KLHL3: variants seen among roughly 807,000 people sequenced by gnomAD.
KLHL3 encodes kelch-like protein 3.
Under a neutral mutation model 70.5 loss-of-function variants are expected in KLHL3, and 19 were observed. The ratio of observed to expected loss-of-function variants is 0.27; its 90% CI spans 0.19 to 0.40. The LOEUF (loss-of-function observed/expected upper bound fraction) is 0.40. KLHL3 is among the 10% of genes least tolerant of loss of function. KLHL3 has a pLI of 1.00. For missense variants in KLHL3, 512 were observed against 771.1 expected (o/e 0.66, Z 3.98); for synonymous variants, 258 against 290.3 (o/e 0.89, Z 1.13).
intron 8 of KLHL3, among the ~76,000 whole-genome samples, chr5:137,642,033 G>A (rs576151638): frequency 6.6e-6 from 1 of 152,140 alleles, no homozygotes; most frequent in Admixed American, 6.5e-5. Flanking sequence ...CAGTTCAAGG[G>A]GGATGTTAAT....
At chr5:137,628,206 C>G in intron 13 of KLHL3, 91 bp downstream of exon 13, 1 of 1,494,514 alleles carries the variant, frequency 6.7e-7, no homozygotes, top group Non-Finnish European at 9.2e-7. Context: ...AGCTCCAGAC[C>G]CTGGGAAATC....
chr5:137,663,056 CTTT>C (rs139890036), intron 6 of KLHL3, among the ~76,000 whole-genome samples: 2 of 77,926 alleles, frequency 2.6e-5, no homozygotes, highest in African/African-American at 5.4e-5. Flanking sequence ...AGCACTCGTT[CTTT>C]TTTTTTTTTT....
chr5:137,632,714 A>C (rs1015820353), intron 12 of KLHL3, among the ~76,000 whole-genome samples: 3 of 152,172 alleles, frequency 2.0e-5, no homozygotes, highest in Non-Finnish European at 4.4e-5. Context: ...ATAATCAACA[A>C]ACAGTCAACC....
At chr5:137,622,887 C>A (rs932965917) in intron 14 of KLHL3, among the ~76,000 whole-genome samples, 2 of 152,242 alleles carry the variant, frequency 1.3e-5, no homozygotes, top group Admixed American at 1.3e-4. Context: ...TCGACTACAG[C>A]CACCAGCAAG....
chr5:137,718,423 A>G (rs1156243542), intron 2 of KLHL3, among the ~76,000 whole-genome samples: 3 of 152,200 alleles, frequency 2.0e-5, no homozygotes, highest in Non-Finnish European at 4.4e-5. Context: ...GCTTGAACTC[A>G]GGTGTTCAAG....
rs1215063936 is a variant in KLHL3 at position 137,627,474 on chromosome 5, A to ACCCCCCCCC, written c.1591+822_1591+823insGGGGGGGGG. Among the ~76,000 whole-genome samples the ACCCCCCCCC allele has an allele frequency of 3.4e-4, 18 of 53,104 alleles. 3 individuals are homozygous for ACCCCCCCCC. Among genetic ancestry groups the ACCCCCCCCC allele is most frequent in the East Asian group, 2.1e-3 (3 of 1,460 alleles). The allele number at this position is 53,104 out of a possible 152,430, so 34.8% of individuals were successfully genotyped here. A position where few individuals can be genotyped will look rare whatever the true frequency, so the allele number is the denominator to read the frequency against. Reference sequence around the variant, plus strand: ...GGCAATGAGTAAATTAGTAAATATCACCACCCCCCCCCCCGGTTTACACTT... The same window carrying ACCCCCCCCC: ...GGCAATGAGTAAATTAGTAAATATCACCCCCCCCCCCACCCCCCCCCCCGGTTTACACTT... On this transcript the variant is annotated intron_variant, in intron 13 of 14. Coordinates refer to ENST00000309755, the MANE Select transcript of KLHL3 (RefSeq NM_017415.3).
intron 12 of KLHL3, among the ~76,000 whole-genome samples, chr5:137,632,077 T>C (rs1750651482): frequency 6.6e-6 from 1 of 152,156 alleles, no homozygotes. Flanking sequence ...AATGACCATA[T>C]TCCCTGAAGG....
intron 12 of KLHL3, chr5:137,629,446 A>C (rs1335020136): frequency 6.6e-6 from 1 of 152,238 alleles, no homozygotes; most frequent in African/African-American, 2.4e-5. Flanking sequence ...GACAGATTCC[A>C]CACTGGTCAG....
chr5:137,634,088 T>C lies in KLHL3; in HGVS notation c.1399A>G (p.Thr467Ala). The C allele has an allele frequency of 6.2e-7, 1 of 1,614,184 alleles. No individual in the cohort carries two copies. The highest frequency in any genetic ancestry group is 8.5e-7 in the Non-Finnish European group (1 of 1,180,038). Residue 467 changes from threonine to alanine, a missense_variant, in exon 12 of 15, where the codon ACC (threonine) becomes GCC (alanine). Coordinates refer to ENST00000309755, the MANE Select transcript of KLHL3 (RefSeq NM_017415.3). ...LSTVEQYNPA[T>A]NEWIYVADMS... Reference sequence around the variant, plus strand: ...TCCGCCACGTATATCCATTCATTGGTCGCTGGGTTGTACTGCTCCACAGTG... The same window carrying C: ...TCCGCCACGTATATCCATTCATTGGCCGCTGGGTTGTACTGCTCCACAGTG...
chr5:137,650,651 C>T (rs1235334626), intron 8 of KLHL3, among the ~76,000 whole-genome samples: 1 of 151,970 alleles, frequency 6.6e-6, no homozygotes, highest in African/African-American at 2.4e-5. Flanking sequence ...GAAACCCCAT[C>T]TCTACTAAAA....
intron 13 of KLHL3, 84 bp from the exon 14 acceptor site, chr5:137,625,980 C>G (rs537914863): frequency 1.8e-5 from 28 of 1,536,920 alleles, no homozygotes; most frequent in Admixed American, 5.4e-5. Flanking sequence ...ATCTGGATAG[C>G]CTGGGAGGCT....
At chr5:137,705,705 T>A (rs951367308) in intron 3 of KLHL3, among the ~76,000 whole-genome samples, 1 of 152,002 alleles carries the variant, frequency 6.6e-6, no homozygotes, top group African/African-American at 2.4e-5. Flanking sequence ...TTTAACACCA[T>A]AAAATAGGGG....
intron 3 of KLHL3, among the ~76,000 whole-genome samples, chr5:137,702,738 T>A (rs890167803): frequency 1.3e-5 from 2 of 152,228 alleles, no homozygotes; most frequent in East Asian, 3.9e-4. Context: ...GAATATCAGG[T>A]AAAAGATGAT....
intron 8 of KLHL3, among the ~76,000 whole-genome samples, chr5:137,653,331 G>T (rs796406244): frequency 2.7e-4 from 41 of 152,228 alleles, no homozygotes; most frequent in African/African-American, 7.9e-4. Flanking sequence ...GGCACAGGTT[G>T]GGAGAAAATA....
intron 11 of KLHL3, 89 bp from the exon 12 acceptor site, chr5:137,634,254 G>T: frequency 7.0e-7 from 1 of 1,428,416 alleles, no homozygotes. Context: ...ACCAACTGGG[G>T]CACCCTTACC....
intron 5 of KLHL3, among the ~76,000 whole-genome samples, chr5:137,690,576 C>G (rs1448895329): frequency 6.6e-6 from 1 of 152,112 alleles, no homozygotes; most frequent in Non-Finnish European, 1.5e-5. Flanking sequence ...TGGGTAATGT[C>G]CTTCACAAAA....
chr5:137,710,827 G>A (rs1410927046), intron 2 of KLHL3, among the ~76,000 whole-genome samples: 1 of 152,044 alleles, frequency 6.6e-6, no homozygotes, highest in East Asian at 1.9e-4. Context: ...CATGAGATAG[G>A]GCTAATTGTT....
intron 10 of KLHL3, 121 bp from the exon 11 acceptor site, chr5:137,637,516 G>A: frequency 1.3e-6 from 1 of 758,424 alleles, no homozygotes; most frequent in South Asian, 1.6e-5. Flanking sequence ...GTATGGCTCA[G>A]TACCACCTCT....
In KLHL3 at chr5:137,619,015, CACA is replaced by C. The variant is rs1318645217; in HGVS notation, c.*3080_*3082del. ...GTTTGAGAGTGAATGATGCAAAGAACACAACATTTCATTATCATGGACAATAAA... is the reference window on the plus strand; with the variant it reads ...GTTTGAGAGTGAATGATGCAAAGAACACATTTCATTATCATGGACAATAAA... On this transcript the variant is annotated 3_prime_UTR_variant, in exon 15 of 15. Transcript: ENST00000309755. 6 of 151,850 alleles carry C rather than the reference CACA, an allele frequency of 4.0e-5. No individual in the cohort carries two copies. The East Asian group carries it at 1.2e-3, about 30-fold the overall frequency. 9.4% of individuals were successfully genotyped at this position (151,850 alleles called of 1,614,324 possible).
Sources: gnomAD v4.1 joint callset for allele counts (sites outside exome capture counted in the v4.1 genomes callset) on GRCh38, gnomAD v4.1.1 for gene constraint, MANE v1.5 for transcripts, NCBI Gene and HGNC (gene_info 2026-07-23, HGNC 2026-07-21) for gene names.